The following CERS6 variants were observed in gnomAD, a reference collection of about 807,000 sequenced individuals.
The protein encoded by CERS6 is LAG1 homolog, ceramide synthase 6.
A neutral mutation model predicts 56.8 loss-of-function variants in CERS6; 26 were observed. The ratio of observed to expected loss-of-function variants is 0.46; its 90% CI spans 0.34 to 0.63. The LOEUF (loss-of-function observed/expected upper bound fraction) is 0.63. Ranked by LOEUF, CERS6 falls within the 30% of genes least tolerant of loss-of-function variation. CERS6 has a pLI of 0.01. For synonymous variants in CERS6, 164 were observed against 173.3 expected, an observed-to-expected ratio of 0.95 and a Z score of 0.42; for missense variants, 415 against 467.5, an observed-to-expected ratio of 0.89 and a Z score of 1.04.
At chr2:168,703,410 T>C (rs1239095311) in intron 6 of CERS6, among the ~76,000 whole-genome samples, 1 of 152,008 alleles carries the variant, frequency 6.6e-6, no homozygotes, top group East Asian at 1.9e-4. Context: ...TACAAAAAAT[T>C]AGCTGGGCAT....
chr2:168,556,874 G>T (rs1446644673), intron 2 of CERS6, among the ~76,000 whole-genome samples: 1 of 151,806 alleles, frequency 6.6e-6, no homozygotes, highest in African/African-American at 2.4e-5. Flanking sequence ...GATCTAAGAG[G>T]CTGGGCATGG....
At chr2:168,480,021 T>A (rs1224912545) in intron 1 of CERS6, among the ~76,000 whole-genome samples, 1 of 152,228 alleles carries the variant, frequency 6.6e-6, no homozygotes, top group Non-Finnish European at 1.5e-5. Context: ...AAAGAACCAC[T>A]CTGATCCTGT....
At chr2:168,725,707 G>C (rs377244291) in intron 8 of CERS6, among the ~76,000 whole-genome samples, 3 of 152,114 alleles carry the variant, frequency 2.0e-5, no homozygotes, top group African/African-American at 7.2e-5. Flanking sequence ...GGTATATATT[G>C]GATACATGTT....
chr2:168,647,966 A>G (rs947170607), intron 4 of CERS6, among the ~76,000 whole-genome samples: 2 of 151,996 alleles, frequency 1.3e-5, no homozygotes, highest in African/African-American at 2.4e-5. Context: ...ATTGGCCTGA[A>G]GTTTTCTTTT....
Position 168,769,889 on chromosome 2 carries a change from T to C in CERS6, c.*227T>C. 1.9e-6 allele frequency: 1 copy of C among 527,702 alleles called. No homozygotes were observed. The highest frequency in any genetic ancestry group is 3.3e-6 in the Non-Finnish European group (1 of 304,030). The allele number at this position is 527,702 out of a possible 1,614,324, so 32.7% of individuals were successfully genotyped here. The stretch of plus-strand genomic sequence containing the variant: ...ATGTAATTGACACAAGGGAACAGTA[T>C]TTGCATTTGTACTGTCTTAGAATAT... On this transcript the variant is annotated 3_prime_UTR_variant, in exon 10 of 10. Coordinates refer to ENST00000305747, the MANE Select transcript of CERS6 (RefSeq NM_203463.3).
intron 1 of CERS6, among the ~76,000 whole-genome samples, chr2:168,515,941 A>G (rs1254248801): frequency 2.6e-5 from 4 of 152,218 alleles, no homozygotes; most frequent in Non-Finnish European, 5.9e-5. Context: ...GAAAGAACTC[A>G]GACCCTTTCT....
chr2:168,749,822 A>T (rs1350605655), intron 8 of CERS6, among the ~76,000 whole-genome samples: 2 of 152,246 alleles, frequency 1.3e-5, no homozygotes, highest in African/African-American at 4.8e-5. Flanking sequence ...AGCCGGAGGT[A>T]GAAGAAAACA....
chr2:168,759,996 ATCT>A (rs1684525397), intron 8 of CERS6, among the ~76,000 whole-genome samples: 2 of 151,966 alleles, frequency 1.3e-5, no homozygotes, highest in African/African-American at 4.8e-5. Flanking sequence ...AGTGCAAAAA[ATCT>A]TTAGTATATG....
chr2:168,701,050 T>C (rs1388812470), intron 6 of CERS6, among the ~76,000 whole-genome samples: 1 of 152,154 alleles, frequency 6.6e-6, no homozygotes, highest in Non-Finnish European at 1.5e-5. Context: ...ATGGACTCTC[T>C]AGGGCTCCCA....
At chr2:168,666,104 A>T (rs1344966149) in intron 4 of CERS6, among the ~76,000 whole-genome samples, 1 of 152,022 alleles carries the variant, frequency 6.6e-6, no homozygotes, top group Non-Finnish European at 1.5e-5. Flanking sequence ...CCTTTTATTT[A>T]CATCTTGCAT....
At chr2:168,555,447 A>G (rs1441551522) in intron 2 of CERS6, among the ~76,000 whole-genome samples, 1 of 152,148 alleles carries the variant, frequency 6.6e-6, no homozygotes, top group East Asian at 1.9e-4. Context: ...ATGAATGGAG[A>G]TAAGCAGAAG....
intron 3 of CERS6, among the ~76,000 whole-genome samples, chr2:168,591,987 G>C (rs1683681863): frequency 6.6e-6 from 1 of 152,164 alleles, no homozygotes; most frequent in African/African-American, 2.4e-5. Context: ...TTGGGCCTCA[G>C]GGTGCCCAAC....
chr2:168,563,728 T>C (rs1000156228), intron 3 of CERS6, among the ~76,000 whole-genome samples: 12 of 151,758 alleles, frequency 7.9e-5, no homozygotes, highest in Non-Finnish European at 1.8e-4. Flanking sequence ...ACCCGGGAGG[T>C]GGAGCTTGCA....
chr2:168,613,109 C>A lies in CERS6; in HGVS notation c.408-17876C>A, dbSNP rs568782536. 2.6e-5 allele frequency among the ~76,000 whole-genome samples: 4 copies of A among 152,126 alleles called. No individual in the cohort carries two copies. The South Asian group carries it at 8.3e-4, about 32-fold the overall frequency. On this transcript the variant is annotated intron_variant, in intron 3 of 9. Transcript: ENST00000305747. ...GCCTGGGATAAAGGGGGGTTGAAGG[C>A]GAAGGAAGACTCAAGGACCTGGGAC...
chr2:168,698,343 A>G (rs1245358003), intron 6 of CERS6, among the ~76,000 whole-genome samples: 2 of 151,358 alleles, frequency 1.3e-5, no homozygotes, highest in Admixed American at 1.3e-4. Context: ...ACGGTTCCAT[A>G]GGCTGTGCAG....
At chr2:168,569,650 G>A (rs949112460) in intron 3 of CERS6, among the ~76,000 whole-genome samples, 2 of 152,194 alleles carry the variant, frequency 1.3e-5, no homozygotes, top group African/African-American at 2.4e-5. Flanking sequence ...TATGAAATCC[G>A]TGTTAGGCTC....
At chr2:168,465,437 T>C (rs1186913752) in intron 1 of CERS6, among the ~76,000 whole-genome samples, 2 of 152,184 alleles carry the variant, frequency 1.3e-5, no homozygotes, top group Non-Finnish European at 2.9e-5. Flanking sequence ...CCTTGTGACC[T>C]AATCACCTCC....
chr2:168,550,417 A>G (rs540189615), intron 2 of CERS6, among the ~76,000 whole-genome samples: 10 of 152,228 alleles, frequency 6.6e-5, no homozygotes, highest in African/African-American at 1.9e-4. Context: ...GCTTCAAGCA[A>G]TCCTCCTGCC....
At chr2:168,693,536 C>A (rs1686558631) in intron 5 of CERS6, among the ~76,000 whole-genome samples, 1 of 152,130 alleles carries the variant, frequency 6.6e-6, no homozygotes, top group African/African-American at 2.4e-5. Context: ...TCATTTCAGC[C>A]ATCCATCTGC....
Sources: gnomAD v4.1 joint callset for allele counts (sites outside exome capture counted in the v4.1 genomes callset) on GRCh38, gnomAD v4.1.1 for gene constraint, MANE v1.5 for transcripts, NCBI Gene and HGNC (gene_info 2026-07-23, HGNC 2026-07-21) for gene names.